MALRD1: variants seen among roughly 807,000 people sequenced by gnomAD.
The protein encoded by MALRD1 is MAM and LDL-receptor class A domain-containing protein 1.
A neutral mutation model predicts 242.1 loss-of-function variants in MALRD1; 247 were observed. The observed-to-expected ratio is 1.02, with a 90% CI of 0.92 to 1.13. MALRD1 has a LOEUF of 1.13. MALRD1 is among the 50% of genes most tolerant of loss of function. The pLI is 0.00. For synonymous variants in MALRD1, 995 were observed against 866.6 expected (o/e 1.15, Z -2.60); for missense variants, 2,989 against 2,533.1 (o/e 1.18, Z -3.86).
intron 29 of MALRD1, among the ~76,000 whole-genome samples, chr10:19,487,746 T>A (rs564986246): frequency 6.6e-6 from 1 of 152,242 alleles, no homozygotes; most frequent in African/African-American, 2.4e-5. Context: ...GTTCCTAAAC[T>A]ACTTGGTAAA....
chr10:19,337,073 A>G (rs1035754222), intron 24 of MALRD1, among the ~76,000 whole-genome samples: 3 of 152,082 alleles, frequency 2.0e-5, no homozygotes, highest in Admixed American at 6.6e-5. Flanking sequence ...TATTGTGTGT[A>G]TATATTTGTG....
At chr10:19,116,190 C>A (rs927494633) in intron 5 of MALRD1, among the ~76,000 whole-genome samples, 1 of 152,114 alleles carries the variant, frequency 6.6e-6, no homozygotes, top group Non-Finnish European at 1.5e-5. Context: ...ATCACTGATT[C>A]TTGAATAACA....
chr10:19,193,359 C>T (rs1006108642), intron 14 of MALRD1, among the ~76,000 whole-genome samples: 13 of 152,016 alleles, frequency 8.6e-5, no homozygotes, highest in Non-Finnish European at 1.9e-4. Flanking sequence ...AGTTCCAGAC[C>T]AGTCTGGGCA....
intron 38 of MALRD1, among the ~76,000 whole-genome samples, chr10:19,693,806 C>T (rs567782068): frequency 3.3e-5 from 5 of 152,218 alleles, no homozygotes; most frequent in South Asian, 2.1e-4. Flanking sequence ...GGAGGCATCA[C>T]GCTACCTGAC....
At position 19,341,922 on chromosome 10, in the gene MALRD1, T is replaced by G. The variant is rs148833353; in HGVS notation, c.3902-5849T>G. Among the ~76,000 whole-genome samples the G allele has an allele frequency of 3.5e-3, 534 of 152,060 alleles. 4 individuals carry two copies. Among genetic ancestry groups the G allele is most frequent in the African/African-American group, 0.012 (516 of 41,520 alleles). ...ACCACCCACTTTATCCCTCAGGATG[T>G]TTTTATTTACTGAGTTTTTTGAGTT... On this transcript the variant is annotated intron_variant, in intron 24 of 39. Transcript: ENST00000454679.
intron 36 of MALRD1, among the ~76,000 whole-genome samples, chr10:19,669,835 G>A (rs994381093): frequency 1.3e-5 from 2 of 152,206 alleles, no homozygotes; most frequent in Admixed American, 6.5e-5. Context: ...GAGGCAGTGA[G>A]TGAATAAGAA....
chr10:19,243,588 A>C (rs539862211), intron 18 of MALRD1, among the ~76,000 whole-genome samples: 1 of 152,208 alleles, frequency 6.6e-6, no homozygotes, highest in Non-Finnish European at 1.5e-5. Context: ...TGTTACACAT[A>C]GTTACCAACA....
intron 12 of MALRD1, among the ~76,000 whole-genome samples, chr10:19,161,382 T>G (rs182701387): frequency 9.1e-6 from 1 of 110,428 alleles, no homozygotes; most frequent in South Asian, 2.9e-4. Context: ...AGGGATAGCA[T>G]TGGGAGATAT....
At chr10:19,445,937 G>A (rs1834949486) in intron 28 of MALRD1, among the ~76,000 whole-genome samples, 1 of 152,182 alleles carries the variant, frequency 6.6e-6, no homozygotes, top group East Asian at 1.9e-4. Context: ...GAGCTGTGGT[G>A]GGCTCCACCC....
chr10:19,352,392 T>C (rs1435844233), intron 26 of MALRD1, 95 bp downstream of exon 26: 1 of 1,077,638 alleles, frequency 9.3e-7, no homozygotes, highest in Admixed American at 2.8e-5. Flanking sequence ...AAACACCTAG[T>C]AATTTATCAC....
rs1285125194 is a variant in MALRD1 at position 19,172,095 on chromosome 10, A to G, written c.1831-3113A>G. 2.8e-5 allele frequency among the ~76,000 whole-genome samples: 4 copies of G among 141,042 alleles called. No homozygotes were observed. In the East Asian group the frequency reaches 8.3e-4, roughly 29 times the overall value. The allele number at this position is 141,042 out of a possible 152,430, so 92.5% of individuals were successfully genotyped here. A position where few individuals can be genotyped will look rare whatever the true frequency, so the allele number is the denominator to read the frequency against. ...TATATCATATATCACATATGTGTATATGTATCAGTTTGGTTATGTATATAC... is the reference window on the plus strand; with the variant it reads ...TATATCATATATCACATATGTGTATGTGTATCAGTTTGGTTATGTATATAC... On this transcript the variant is annotated intron_variant, in intron 13 of 39. Transcript: ENST00000454679.
At chr10:19,326,134 C>G (rs985502327) in intron 22 of MALRD1, among the ~76,000 whole-genome samples, 1 of 151,988 alleles carries the variant, frequency 6.6e-6, no homozygotes, top group East Asian at 1.9e-4. Flanking sequence ...TAAAGACATC[C>G]AAATGGGCTT....
At chr10:19,719,203 T>TATACACATATATATATATAC (rs1489373465) in intron 38 of MALRD1, among the ~76,000 whole-genome samples, 1 of 98,304 alleles carries the variant, frequency 1.0e-5, no homozygotes, top group Non-Finnish European at 1.8e-5. Context: ...TACATATATA[T>TATACACATATATATATATAC]ATATATATAC....
At chr10:19,085,643 G>T (rs1323747730) in intron 2 of MALRD1, among the ~76,000 whole-genome samples, 3 of 151,700 alleles carry the variant, frequency 2.0e-5, no homozygotes. Flanking sequence ...CATACCAAAT[G>T]ACAAAGTTTT....
chr10:19,413,592 T>C (rs1833369583), intron 28 of MALRD1, among the ~76,000 whole-genome samples: 1 of 152,022 alleles, frequency 6.6e-6, no homozygotes, highest in Admixed American at 6.6e-5. Context: ...GACAATTTAA[T>C]TTATTACCTC....
chr10:19,556,296 A>G (rs2131422083), intron 32 of MALRD1, among the ~76,000 whole-genome samples: 1 of 152,192 alleles, frequency 6.6e-6, no homozygotes, highest in Non-Finnish European at 1.5e-5. Context: ...AGGCATTATC[A>G]TTAAAGTTTA....
At chr10:19,383,204 A>G (rs1055937158) in intron 26 of MALRD1, among the ~76,000 whole-genome samples, 10 of 152,044 alleles carry the variant, frequency 6.6e-5, no homozygotes, top group Non-Finnish European at 1.3e-4. Context: ...GTCCTCTCCC[A>G]TCCTCCACCC....
At chr10:19,523,090 T>G (rs1426547862) in intron 31 of MALRD1, among the ~76,000 whole-genome samples, 1 of 152,130 alleles carries the variant, frequency 6.6e-6, no homozygotes, top group Non-Finnish European at 1.5e-5. Flanking sequence ...GATCATTTAA[T>G]TTTTACCACA....
intron 33 of MALRD1, among the ~76,000 whole-genome samples, chr10:19,573,394 T>G (rs1836656092): frequency 1.3e-5 from 2 of 152,056 alleles, no homozygotes; most frequent in African/African-American, 4.8e-5. Context: ...AGCCAGGTGG[T>G]GGCAGCAGCC....
Sources: gnomAD v4.1 joint callset for allele counts (sites outside exome capture counted in the v4.1 genomes callset) on GRCh38, gnomAD v4.1.1 for gene constraint, MANE v1.5 for transcripts, NCBI Gene and HGNC (gene_info 2026-07-23, HGNC 2026-07-21) for gene names.